Variants in NFASC observed in about 807,000 individuals in gnomAD.
The protein encoded by NFASC is neurofascin.
Under a neutral mutation model 147.5 loss-of-function variants are expected in NFASC, and 43 were observed. The observed-to-expected ratio is 0.29, with a 90% CI of 0.23 to 0.38. NFASC has a LOEUF of 0.38. NFASC is among the 10% of genes least tolerant of loss of function. The probability of loss-of-function intolerance (pLI) is 1.00; values close to 1 mark genes in which losing one functional copy is unlikely to be tolerated. For synonymous variants in NFASC, 622 were observed against 665.5 expected, an observed-to-expected ratio of 0.93 and a Z score of 1.01; for missense variants, 1,320 against 1,689.0, an observed-to-expected ratio of 0.78 and a Z score of 3.83.
At chr1:204,926,396 ATATATATATATTTTTTTT>A (rs2091528503) in intron 2 of NFASC, among the ~76,000 whole-genome samples, 4 of 35,546 alleles carry the variant, frequency 1.1e-4, no homozygotes, top group African/African-American at 1.6e-4. Flanking sequence ...ATATATATAT[ATATATATATATTTTTTTT>A]TTTTTTTTTT....
intron 1 of NFASC, among the ~76,000 whole-genome samples, chr1:204,879,410 G>A (rs1046557606): frequency 6.6e-6 from 1 of 152,202 alleles, no homozygotes; most frequent in African/African-American, 2.4e-5. Context: ...CCAGGGCTTG[G>A]GGGCGCTCAC....
chr1:204,837,673 A>G (rs1674151128), intron 1 of NFASC, among the ~76,000 whole-genome samples: 1 of 152,172 alleles, frequency 6.6e-6, no homozygotes. Context: ...GTCGCTGTCC[A>G]GAGTGCTGAC....
rs1352139122 is a variant in NFASC at position 204,982,033 on chromosome 1, C to T, written c.2470+13C>T. 1 of 1,505,804 alleles carries T rather than the reference C, an allele frequency of 6.6e-7. No homozygotes were observed. Among genetic ancestry groups the T allele is most frequent in the Admixed American group, 2.0e-5 (1 of 49,346 alleles). The allele number at this position is 1,505,804 out of a possible 1,614,324, so 93.3% of individuals were successfully genotyped here. A position where few individuals can be genotyped will look rare whatever the true frequency, so the allele number is the denominator to read the frequency against. On this transcript the variant is annotated intron_variant, in intron 21 of 29. Coordinates refer to ENST00000339876, the MANE Select transcript of NFASC (RefSeq NM_001005388.3). ...TCCGGAGAAGATTGTGAGTAGTCTCCTCCCCGTCCCCCCATCAGGACCCTT... is the reference window on the plus strand; with the variant it reads ...TCCGGAGAAGATTGTGAGTAGTCTCTTCCCCGTCCCCCCATCAGGACCCTT...
In NFASC at chr1:204,976,659, G is replaced by C; in HGVS notation, c.1707-12G>C. ...ACCCCCTCCTCCCAACCCTTCCTCG[G>C]TACCTTTGCAGGATGAAGAAGGAAG... On this transcript the variant is annotated splice_polypyrimidine_tract_variant and intron_variant, in intron 15 of 29. Transcript: ENST00000339876. 2 of 1,603,834 alleles carry C rather than the reference G, an allele frequency of 1.2e-6. No homozygotes were observed. Among genetic ancestry groups the C allele is most frequent in the Non-Finnish European group, 1.7e-6 (2 of 1,171,832 alleles).
chr1:204,982,046 C>T, intron 21 of NFASC, 26 bp downstream of exon 21: 3 of 1,456,256 alleles, frequency 2.1e-6, no homozygotes, highest in Non-Finnish European at 2.8e-6. Context: ...CCCGTCCCCC[C>T]ATCAGGACCC....
intron 2 of NFASC, among the ~76,000 whole-genome samples, chr1:204,928,110 G>T (rs1387297154): frequency 6.6e-6 from 1 of 152,178 alleles, no homozygotes; most frequent in Non-Finnish European, 1.5e-5. Flanking sequence ...ATCTTTGTAT[G>T]GCAGGAGACT....
chr1:204,877,014 A>ATATATATATATAATATATATT (rs2078983730), intron 1 of NFASC, among the ~76,000 whole-genome samples: 1 of 111,838 alleles, frequency 8.9e-6, no homozygotes, highest in Non-Finnish European at 1.6e-5. Context: ...ATATATATAT[A>ATATATATATATAATATATATT]TATATATATA....
intron 1 of NFASC, among the ~76,000 whole-genome samples, chr1:204,837,604 T>G (rs1277232274): frequency 6.6e-6 from 1 of 152,200 alleles, no homozygotes; most frequent in African/African-American, 2.4e-5. Context: ...GAGGGGATAG[T>G]TCCTTCTGAA....
intron 1 of NFASC, among the ~76,000 whole-genome samples, chr1:204,898,731 G>A (rs888345897): frequency 3.9e-5 from 6 of 152,014 alleles, no homozygotes; most frequent in African/African-American, 1.4e-4. Context: ...GACATGTAAG[G>A]GTTGAGCATC....
chr1:204,966,395 C>T (rs1425278082), intron 8 of NFASC, among the ~76,000 whole-genome samples: 3 of 152,160 alleles, frequency 2.0e-5, no homozygotes, highest in African/African-American at 4.8e-5. Flanking sequence ...CTGGGACCTA[C>T]CTCTTCCACA....
intron 3 of NFASC, 36 bp downstream of exon 3, chr1:204,944,442 TG>T: frequency 6.2e-6 from 9 of 1,462,620 alleles, no homozygotes; most frequent in Non-Finnish European, 7.4e-6. Context: ...TTTTTTTTCC[TG>T]ATTTTGGGCA....
At chr1:204,938,185 C>G (rs2802819) in intron 2 of NFASC, among the ~76,000 whole-genome samples, 26,059 of 152,178 alleles carry the variant, frequency 0.17, 3,036 homozygotes, top group African/African-American at 0.33. Context: ...ATCAACACCA[C>G]GGGCCCCCAA....
rs201275034 is a variant in NFASC at position 204,997,196 on chromosome 1, G to A, written c.2809G>A (p.Val937Met). The change falls in exon 25 of 30, where the codon GTG (valine) becomes ATG (methionine). Residue 937 changes from valine to methionine, a missense_variant. Val to Met is a conservative substitution (Grantham distance 21, BLOSUM62 1). This residue lies in a region of NFASC where 981 missense variants were observed against 1,289.5 expected (regional missense o/e 0.76). Transcript: ENST00000339876. ...TCCTCCCACATTGCCCCCGACTACCGTGGGTGCGACGGGCGCTGTGAGCAG... is the reference window on the plus strand; with the variant it reads ...TCCTCCCACATTGCCCCCGACTACCATGGGTGCGACGGGCGCTGTGAGCAG... The part of the protein sequence containing the change: ...AAPPTLPPTT[V>M]GATGAVSSTD... 37 of 1,613,078 alleles carry A rather than the reference G, an allele frequency of 2.3e-5. No individual in the cohort carries two copies. The highest frequency in any genetic ancestry group is 1.1e-4 in the African/African-American group (8 of 74,834).
chr1:204,940,150 G>A (rs1040558573), intron 2 of NFASC, among the ~76,000 whole-genome samples: 28 of 152,104 alleles, frequency 1.8e-4, no homozygotes, highest in African/African-American at 6.0e-4. Context: ...AACATAAACC[G>A]TTTTAAAGTG....
chr1:204,980,154 A>G (rs2095484068), intron 19 of NFASC, among the ~76,000 whole-genome samples: 1 of 152,256 alleles, frequency 6.6e-6, no homozygotes, highest in Non-Finnish European at 1.5e-5. Flanking sequence ...ATTAAAATTC[A>G]GAAGAAATTA....
rs1404632003 is a variant in NFASC, at chr1:204,975,471, T to C, written c.1706+53T>C. 17 of 1,576,386 alleles carry C rather than the reference T, an allele frequency of 1.1e-5. No individual in the cohort carries two copies. Among genetic ancestry groups the C allele is most frequent in the Admixed American group, 1.7e-5 (1 of 58,378 alleles). On this transcript the variant is annotated intron_variant, in intron 15 of 29. Coordinates refer to ENST00000339876, the MANE Select transcript of NFASC (RefSeq NM_001005388.3). The surrounding 1 kb of genome is among the most constrained non-coding windows in gnomAD (Gnocchi z 4.0). ...GTGCTAGTTTGAGGCGCATTTTCTT[T>C]TCCCTTGCTGTTGGTGACACATGGA...
At position 204,974,240 on chromosome 1, in the gene NFASC, G is replaced by C. The variant is rs748869065; in HGVS notation, c.1341G>C (p.Arg447=). The change falls in exon 13 of 30, where the codon CGG becomes CGC. Residue 447 remains arginine (R), a synonymous_variant. Coordinates refer to ENST00000339876, the MANE Select transcript of NFASC (RefSeq NM_001005388.3). The part of the protein sequence containing the change: ...NQLIRVILYN[R]TRLDCPFFGS... ...TCATTCGAGTGATTCTTTACAACCG[G>C]ACGCGGCTGGACTGCCCTTTCTTTG... 6.2e-7 allele frequency: 1 copy of C among 1,614,156 alleles called. No individual in the cohort carries two copies. Among genetic ancestry groups the C allele is most frequent in the Non-Finnish European group, 8.5e-7 (1 of 1,180,030 alleles).
In NFASC at chr1:204,954,601, C is replaced by T. The variant is rs917265197; in HGVS notation, c.412+217C>T. On this transcript the variant is annotated intron_variant, in intron 6 of 29. Transcript: ENST00000339876. The surrounding 1 kb of genome is among the most constrained non-coding windows in gnomAD (Gnocchi z 5.7). ...TCTGCAACAATTTCACTGGCCACTG[C>T]GGGCACAGGAGACGGGAAAGGAGGG... Among the ~76,000 whole-genome samples the T allele has an allele frequency of 2.6e-5, 4 of 152,288 alleles. No individual in the cohort carries two copies. Among genetic ancestry groups the T allele is most frequent in the Non-Finnish European group, 2.9e-5 (2 of 68,016 alleles).
chr1:204,908,189 C>T (rs1490357884), intron 1 of NFASC, among the ~76,000 whole-genome samples: 1 of 152,136 alleles, frequency 6.6e-6, no homozygotes, highest in Non-Finnish European at 1.5e-5. Context: ...ACCATGTTGT[C>T]TAGGCTAGTC....
Sources: allele counts gnomAD v4.1 joint callset (sites outside exome capture counted in the v4.1 genomes callset), GRCh38; gene constraint gnomAD v4.1.1; regional missense constraint gnomAD v4.1.1; non-coding constraint Gnocchi (gnomAD v3.1); transcripts MANE v1.5; gene names NCBI Gene and HGNC (gene_info 2026-07-23, HGNC 2026-07-21).